Variants in EDA observed in about 807,000 individuals in gnomAD.
EDA encodes the protein ectodysplasin-A.
A neutral mutation model predicts 23.6 loss-of-function variants in EDA; 2 were observed. The observed-to-expected ratio is 0.08, with a 90% confidence interval of 0.03 to 0.27. EDA has a LOEUF of 0.27. Among genes scored for constraint, EDA ranks in the 10% least tolerant of loss-of-function variants. The probability of loss-of-function intolerance (pLI) is 1.00; values close to 1 mark genes in which losing one functional copy is unlikely to be tolerated. For synonymous variants in EDA, 131 were observed against 132.0 expected, an observed-to-expected ratio of 0.99 and a Z score of 0.05; for missense variants, 229 against 324.2, an observed-to-expected ratio of 0.71 and a Z score of 2.26.
At chrX:70,027,110 A>G (rs893625273) in intron 3 of EDA, among the ~76,000 whole-genome samples, 4 of 112,142 alleles carry the variant, frequency 3.6e-5, no homozygotes, top group Non-Finnish European at 7.5e-5. Flanking sequence ...GCCCTTTCTA[A>G]AAAGAACCAC....
At chrX:69,710,064 C>T (rs1365158599) in intron 1 of EDA, among the ~76,000 whole-genome samples, 1 of 111,589 alleles carries the variant, frequency 9.0e-6, no homozygotes, top group Non-Finnish European at 1.9e-5. Flanking sequence ...TACTTGAAGT[C>T]CTTGCCCATG....
intron 1 of EDA, among the ~76,000 whole-genome samples, chrX:69,806,812 A>G (rs1245082510): frequency 9.1e-6 from 1 of 109,922 alleles, no homozygotes; most frequent in Non-Finnish European, 1.9e-5. Flanking sequence ...TATGGTAGCA[A>G]GGAGCATAGA....
rs1556026049 is a variant in EDA at position 69,888,978 on chromosome X, T to TAGATATATATATA, written c.397-68049_397-68048insAGATATATATATA. 4.3e-3 allele frequency among the ~76,000 whole-genome samples: 69 copies of TAGATATATATATA among 16,013 alleles called. 3 individuals carry two copies. Among genetic ancestry groups the TAGATATATATATA allele is most frequent in the South Asian group, 0.011 (2 of 177 alleles). 13.9% of individuals were successfully genotyped at this position (16,013 alleles called of 115,157 possible). On this transcript the variant is annotated intron_variant, in intron 1 of 7. Transcript: ENST00000374552. ...GTGGAATTGTTGTATTGTGGGGTAG[T>TAGATATATATATA]TATATATATATATATATATATATAT...
At chrX:69,774,073 C>G (rs917389566) in intron 1 of EDA, among the ~76,000 whole-genome samples, 4 of 111,871 alleles carry the variant, frequency 3.6e-5, no homozygotes, top group Non-Finnish European at 5.6e-5. Context: ...CAAGGCAACA[C>G]CCTGTTAGGC....
intron 2 of EDA, among the ~76,000 whole-genome samples, chrX:69,974,031 A>G (rs957309281): frequency 4.0e-4 from 44 of 109,175 alleles, no homozygotes; most frequent in African/African-American, 1.4e-3. Context: ...TTAAATATAT[A>G]TATATATATT....
chrX:69,701,833 C>A (rs1471728552), intron 1 of EDA, among the ~76,000 whole-genome samples: 1 of 111,437 alleles, frequency 9.0e-6, no homozygotes, highest in Non-Finnish European at 1.9e-5. Context: ...CATGTGGTCT[C>A]GATGGCAGCA....
At chrX:69,889,250 C>T (rs1420506936) in intron 1 of EDA, among the ~76,000 whole-genome samples, 4 of 106,944 alleles carry the variant, frequency 3.7e-5, no homozygotes, top group African/African-American at 1.4e-4. Flanking sequence ...CGGGCTCAAG[C>T]GATCTTCCCA....
chrX:69,685,989 G>A (rs1032952337), intron 1 of EDA, among the ~76,000 whole-genome samples: 1 of 112,286 alleles, frequency 8.9e-6, no homozygotes, highest in Non-Finnish European at 1.9e-5. Flanking sequence ...AAGTGAAATG[G>A]CATGTCTTTC....
intron 1 of EDA, among the ~76,000 whole-genome samples, chrX:69,783,190 C>G (rs1480232652): frequency 9.0e-6 from 1 of 111,381 alleles, no homozygotes; most frequent in African/African-American, 3.3e-5. Context: ...TGAAATAGTT[C>G]TCGCTGGATT....
intron 1 of EDA, among the ~76,000 whole-genome samples, chrX:69,681,256 T>C (rs1934337113): frequency 9.1e-6 from 1 of 110,335 alleles, no homozygotes; most frequent in Non-Finnish European, 1.9e-5. Context: ...CCCTTAACAT[T>C]TTTTCCTTCA....
At chrX:69,759,838 G>T (rs1040994250) in intron 1 of EDA, among the ~76,000 whole-genome samples, 4 of 110,011 alleles carry the variant, frequency 3.6e-5, no homozygotes, top group African/African-American at 1.3e-4. Flanking sequence ...GAGAGGGCTG[G>T]ATAGTGTGTC....
chrX:69,617,285 G>A (rs1602223243), intron 1 of EDA: 1 of 141,933 alleles, frequency 7.0e-6, no homozygotes, highest in Non-Finnish European at 1.6e-5. Context: ...GAGGATCAGC[G>A]CCCCTGAGGA....
chrX:70,026,247 G>A (rs1291828702), intron 3 of EDA, among the ~76,000 whole-genome samples: 2 of 112,464 alleles, frequency 1.8e-5, no homozygotes, highest in Admixed American at 9.4e-5. Flanking sequence ...GTGCCTACAT[G>A]TAGTCTTTGA....
intron 2 of EDA, among the ~76,000 whole-genome samples, chrX:70,012,481 G>A (rs1302131250): frequency 1.8e-5 from 2 of 111,962 alleles, no homozygotes; most frequent in Non-Finnish European, 3.8e-5. Context: ...AAAGGTCCGT[G>A]TTGAAAATAA....
At chrX:69,810,257 CAAAAAAAAAAAAAAAAAAAAAAAAAAA>C (rs1160638267) in intron 1 of EDA, among the ~76,000 whole-genome samples, 6 of 17,174 alleles carry the variant, frequency 3.5e-4, no homozygotes, top group South Asian at 9.8e-3. Context: ...GACTCCATCT[CAAAAAAAAAAAAAAAAAAAAAAAAAAA>C]AAAAAAAAAA....
chrX:69,662,638 G>A (rs548897359), intron 1 of EDA, among the ~76,000 whole-genome samples: 5 of 112,453 alleles, frequency 4.4e-5, no homozygotes, highest in African/African-American at 1.3e-4. Flanking sequence ...ATGTGGAAGC[G>A]TCTTTAGAAC....
In EDA at chrX:70,023,210, T is replaced by C. The variant is rs752434802; in HGVS notation, c.503-8T>C. The stretch of plus-strand genomic sequence containing the variant: ...ATGACTTAATTATCTATTTTATTTT[T>C]CTTATAGGCCCAGTTAAAAACAAGA... On this transcript the variant is annotated splice_region_variant and splice_polypyrimidine_tract_variant and intron_variant, in intron 2 of 7. Transcript: ENST00000374552. The C allele has an allele frequency of 1.1e-5, 12 of 1,073,401 alleles. No homozygotes were observed. Among genetic ancestry groups the C allele is most frequent in the African/African-American group, 3.7e-5 (2 of 54,759 alleles). The allele number at this position is 1,073,401 out of a possible 1,213,427, so 88.5% of individuals were successfully genotyped here.
chrX:69,645,122 G>A (rs1479122211), intron 1 of EDA, among the ~76,000 whole-genome samples: 1 of 111,082 alleles, frequency 9.0e-6, no homozygotes, highest in Non-Finnish European at 1.9e-5. Context: ...CATAAAATGA[G>A]TTCAGGAGGA....
chrX:69,635,380 G>A (rs888008784), intron 1 of EDA, among the ~76,000 whole-genome samples: 1 of 110,529 alleles, frequency 9.0e-6, no homozygotes, highest in Middle Eastern at 4.3e-3. Flanking sequence ...TTTGAGTATA[G>A]CATAGGCAAC....
Sources: allele counts gnomAD v4.1 joint callset (sites outside exome capture counted in the v4.1 genomes callset), GRCh38; gene constraint gnomAD v4.1.1; transcripts MANE v1.5; gene names NCBI Gene and HGNC (gene_info 2026-07-23, HGNC 2026-07-21).